Variants in IKZF2 observed in about 807,000 individuals in gnomAD.
IKZF2 encodes the protein IKAROS family zinc finger 2.
IKZF2 carries 15 observed loss-of-function variants against 49.2 expected under a neutral mutation model. That is an observed-to-expected ratio of 0.30 (90% CI 0.20 to 0.47). The LOEUF (loss-of-function observed/expected upper bound fraction) is 0.47. Among genes scored for constraint, IKZF2 ranks in the 20% least tolerant of loss-of-function variants. The pLI is 1.00. For missense variants in IKZF2, 567 were observed against 664.6 expected (o/e 0.85, Z 1.61); for synonymous variants, 227 against 221.4 (o/e 1.03, Z -0.23).
chr2:213,082,655 A>C (rs986838269), intron 4 of IKZF2, among the ~76,000 whole-genome samples: 2 of 152,234 alleles, frequency 1.3e-5, no homozygotes, highest in African/African-American at 4.8e-5. Context: ...GAATATGAAG[A>C]AATATTTAGA....
Position 213,148,617 on chromosome 2 carries a change from CCT to C in IKZF2, c.11_12del (p.Glu4GlyfsTer3), listed in dbSNP as rs2061163103. 6.2e-7 allele frequency: 1 copy of C among 1,612,056 alleles called. No individual in the cohort carries two copies. The highest frequency in any genetic ancestry group is 1.1e-5 in the South Asian group (1 of 90,970). MET[E>X]AIDGYITCDN... Reference sequence around the variant, plus strand: ...TTACACGTTATATAGCCATCAATAGCCTCTGTTTCCATAGTCAAAGTGCAATG... The same window carrying C: ...TTACACGTTATATAGCCATCAATAGCCTGTTTCCATAGTCAAAGTGCAATG... On this transcript the variant is annotated frameshift_variant, in exon 3 of 9. Transcript: ENST00000434687. LOFTEE classifies it high-confidence loss of function.
chr2:213,144,854 C>G (rs887562520), intron 4 of IKZF2, among the ~76,000 whole-genome samples: 1 of 151,946 alleles, frequency 6.6e-6, no homozygotes, highest in Admixed American at 6.6e-5. Context: ...ACTAATACCT[C>G]TTACTTCTTC....
At chr2:213,113,939 T>C (rs1046105278) in intron 4 of IKZF2, among the ~76,000 whole-genome samples, 1 of 152,184 alleles carries the variant, frequency 6.6e-6, no homozygotes, top group Non-Finnish European at 1.5e-5. Flanking sequence ...ATGGCCAGAA[T>C]GCCTATCTCC....
intron 4 of IKZF2, among the ~76,000 whole-genome samples, chr2:213,124,007 G>A (rs1322412371): frequency 6.6e-6 from 1 of 151,562 alleles, no homozygotes; most frequent in Non-Finnish European, 1.5e-5. Flanking sequence ...AACTTTCTAA[G>A]AATTAGAGCT....
chr2:213,148,616 G>C lies in IKZF2; in HGVS notation c.14C>G (p.Ala5Gly). 1 of 1,611,914 alleles carries C rather than the reference G, an allele frequency of 6.2e-7. No homozygotes were observed. The highest frequency in any genetic ancestry group is 8.5e-7 in the Non-Finnish European group (1 of 1,178,236). Residue 5 changes from alanine (A) to glycine (G), a missense_variant, in exon 3 of 9, where the codon GCT becomes GGT. Coordinates refer to ENST00000434687, the MANE Select transcript of IKZF2 (RefSeq NM_001387220.1). METEAIDGYITCDNE... is the reference protein window; with the variant it reads METEGIDGYITCDNE... ...CTTACACGTTATATAGCCATCAATAGCCTCTGTTTCCATAGTCAAAGTGCA... is the reference window on the plus strand; with the variant it reads ...CTTACACGTTATATAGCCATCAATACCCTCTGTTTCCATAGTCAAAGTGCA...
At position 213,091,412 on chromosome 2, in the gene IKZF2, C is replaced by G. The variant is rs556467364; in HGVS notation, c.140-34313G>C. Among the ~76,000 whole-genome samples, 5 of 152,112 alleles carry G rather than the reference C, an allele frequency of 3.3e-5. No homozygotes were observed. The South Asian group carries it at 1.0e-3, about 32-fold the overall frequency. On this transcript the variant is annotated intron_variant, in intron 4 of 8. Transcript: ENST00000434687. ...GTACATTCATAACAGGTTGAACAAC[C>G]ACACCCAAACAGTATTGATTAATGA...
intron 4 of IKZF2, among the ~76,000 whole-genome samples, chr2:213,121,024 A>G (rs143895444): frequency 6.6e-6 from 1 of 152,354 alleles, no homozygotes; most frequent in Non-Finnish European, 1.5e-5. Context: ...CATCTAAAAT[A>G]TTAAACTGCT....
At chr2:213,126,685 T>C (rs1414782592) in intron 4 of IKZF2, among the ~76,000 whole-genome samples, 1 of 152,148 alleles carries the variant, frequency 6.6e-6, no homozygotes, top group Non-Finnish European at 1.5e-5. Flanking sequence ...TTGCAATAGG[T>C]ACGTCATATG....
chr2:213,121,337 T>C (rs2060050221), intron 4 of IKZF2, among the ~76,000 whole-genome samples: 1 of 152,230 alleles, frequency 6.6e-6, no homozygotes, highest in Non-Finnish European at 1.5e-5. Context: ...GGTAAGTATT[T>C]GTACAAGCGC....
At chr2:213,029,513 T>A (rs1016599953) in intron 6 of IKZF2, among the ~76,000 whole-genome samples, 4 of 152,050 alleles carry the variant, frequency 2.6e-5, no homozygotes, top group Non-Finnish European at 1.5e-5. Context: ...TTCTAGATGA[T>A]GCCAAATTAT....
chr2:213,024,672 T>A (rs1184380723), intron 6 of IKZF2, among the ~76,000 whole-genome samples: 1 of 152,060 alleles, frequency 6.6e-6, no homozygotes, highest in Admixed American at 6.6e-5. Flanking sequence ...TAGTCATTTA[T>A]TTTCCTCTAT....
chr2:213,097,376 A>C (rs1248213382), intron 4 of IKZF2, among the ~76,000 whole-genome samples: 6 of 152,112 alleles, frequency 3.9e-5, no homozygotes, highest in Non-Finnish European at 5.9e-5. Flanking sequence ...ACCATGAAGC[A>C]AACAGTTACA....
In IKZF2 at chr2:213,056,978, G is replaced by C. The variant is rs1230705989; in HGVS notation, c.261C>G (p.Ser87Arg). 6.2e-7 allele frequency: 1 copy of C among 1,613,704 alleles called. No homozygotes were observed. The highest frequency in any genetic ancestry group is 2.2e-5 in the East Asian group (1 of 44,870). Residue 87 changes from serine (S) to arginine (R), a missense_variant, in exon 5 of 9, where the codon AGC becomes AGG. Transcript: ENST00000434687. ...CTTTCCTGTTGTCAGCCACCTCGCT[G>C]CTCTCAATTAGGGGTTCTTCTAGGC... ...GSSLEEPLIE[S>R]SEVADNRKVQ...
rs753594552 is a variant in IKZF2 at position 213,049,721 on chromosome 2, G to C, written c.566C>G (p.Thr189Ser). Residue 189 changes from threonine to serine, a missense_variant, in exon 6 of 9, where the codon ACC (threonine) becomes AGC (serine). By Grantham distance (58) the Thr-to-Ser change is moderately conservative. Coordinates refer to ENST00000434687, the MANE Select transcript of IKZF2 (RefSeq NM_001387220.1). ...RRDALTGHLR[T>S]HSVGKPHKCN... ...GAGTTGGTGACACTTACCAGAATGG[G>C]TCCTGAGGTGTCCTGTGAGGGCGTC... is the stretch of plus-strand genomic sequence containing the variant. The C allele has an allele frequency of 1.9e-6, 3 of 1,601,176 alleles. No individual in the cohort carries two copies. In the South Asian group the frequency reaches 3.4e-5, roughly 18 times the overall value.
chr2:213,078,156 T>A (rs1027338543), intron 4 of IKZF2, among the ~76,000 whole-genome samples: 1 of 152,212 alleles, frequency 6.6e-6, no homozygotes, highest in Admixed American at 6.5e-5. Flanking sequence ...CAAAGATTTA[T>A]GTTTTGCTAT....
intron 6 of IKZF2, among the ~76,000 whole-genome samples, chr2:213,023,556 A>C (rs1452739164): frequency 6.6e-6 from 1 of 152,180 alleles, no homozygotes; most frequent in Non-Finnish European, 1.5e-5. Flanking sequence ...GACAGCATTA[A>C]AAATACAAAA....
chr2:213,078,170 A>G (rs903106694), intron 4 of IKZF2, among the ~76,000 whole-genome samples: 8 of 152,210 alleles, frequency 5.3e-5, no homozygotes, highest in Admixed American at 5.2e-4. Flanking sequence ...TTGCTATATT[A>G]TTTTAGAAGG....
At chr2:213,138,045 A>T (rs1268571438) in intron 4 of IKZF2, among the ~76,000 whole-genome samples, 2 of 152,138 alleles carry the variant, frequency 1.3e-5, no homozygotes, top group Non-Finnish European at 2.9e-5. Flanking sequence ...ACGTGACTTC[A>T]CACTGATTAA....
At chr2:213,028,689 T>A (rs1367588856) in intron 6 of IKZF2, among the ~76,000 whole-genome samples, 1 of 152,128 alleles carries the variant, frequency 6.6e-6, no homozygotes, top group Non-Finnish European at 1.5e-5. Context: ...CATATAGAAA[T>A]ACATTTGATT....
Sources: allele counts gnomAD v4.1 joint callset (sites outside exome capture counted in the v4.1 genomes callset), GRCh38; gene constraint gnomAD v4.1.1; transcripts MANE v1.5; gene names NCBI Gene and HGNC (gene_info 2026-07-23, HGNC 2026-07-21).